Variants in BRSK2 observed in about 807,000 individuals in gnomAD.
BRSK2 encodes the protein serine/threonine-protein kinase BRSK2.
A neutral mutation model predicts 83.3 loss-of-function variants in BRSK2; 19 were observed. The ratio of observed to expected loss-of-function variants is 0.23; its 90% confidence interval spans 0.16 to 0.33. The LOEUF (loss-of-function observed/expected upper bound fraction) is 0.33, where lower values mean the gene tolerates loss of function less well. Among genes scored for constraint, BRSK2 ranks in the 10% least tolerant of loss-of-function variants. The pLI is 1.00. For missense variants in BRSK2, 798 were observed against 1,042.3 expected (o/e 0.77, Z 3.23); for synonymous variants, 519 against 435.4 (o/e 1.19, Z -2.39).
At chr11:1,404,985 C>T (rs1846742853) in intron 1 of BRSK2, among the ~76,000 whole-genome samples, 1 of 146,716 alleles carries the variant, frequency 6.8e-6, no homozygotes, top group Admixed American at 6.9e-5. Context: ...GGCGTGCAGG[C>T]CTCTGTCTCT....
intron 1 of BRSK2, among the ~76,000 whole-genome samples, chr11:1,428,780 C>T (rs542978906): frequency 1.8e-4 from 27 of 150,710 alleles, no homozygotes; most frequent in Non-Finnish European, 3.0e-4. Context: ...GTGTGCACTG[C>T]GGGTGTGTGT....
intron 2 of BRSK2, among the ~76,000 whole-genome samples, chr11:1,436,864 G>C (rs537521566): frequency 2.0e-5 from 3 of 152,272 alleles, no homozygotes; most frequent in African/African-American, 7.2e-5. Flanking sequence ...GAGGCCAGTG[G>C]GAGTGGCCAA....
At chr11:1,410,563 C>G in intron 1 of BRSK2, 1 of 985,464 alleles carries the variant, frequency 1.0e-6, no homozygotes, top group Non-Finnish European at 1.2e-6. Context: ...CTTTTGATGT[C>G]GTCAGGCTCT....
intron 1 of BRSK2, among the ~76,000 whole-genome samples, chr11:1,429,577 T>C (rs111252735): frequency 0.018 from 2,204 of 121,850 alleles, 57 homozygotes; most frequent in African/African-American, 0.065. Context: ...GCCACTGTGC[T>C]CAGCAGTGAG....
At position 1,456,351 on chromosome 11, in the gene BRSK2, C is replaced by T. The variant is rs2133261098; in HGVS notation, c.1672C>T (p.Pro558Ser). The change falls in exon 17 of 20, where the codon CCC becomes TCC. Residue 558 changes from proline (P) to serine (S), a missense_variant. Physicochemically the swap from Pro to Ser is moderately conservative, Grantham distance 74. This residue lies in a region of BRSK2 where 455 missense variants were observed against 455.2 expected (regional missense o/e 1.00). Coordinates refer to ENST00000528841, the MANE Select transcript of BRSK2 (RefSeq NM_001256627.2). ...ADIVHAFLSIPSLSHSVISQT... is the reference protein window; with the variant it reads ...ADIVHAFLSISSLSHSVISQT... Reference sequence around the variant, plus strand: ...TCACGCTGCTCTCTCTCCACAGATTCCCAGTCTCAGCCACAGCGTCATCTC... The same window carrying T: ...TCACGCTGCTCTCTCTCCACAGATTTCCAGTCTCAGCCACAGCGTCATCTC... 1.3e-6 allele frequency: 2 copies of T among 1,560,224 alleles called. No homozygotes were observed. Among genetic ancestry groups the T allele is most frequent in the South Asian group, 1.2e-5 (1 of 84,640 alleles).
At chr11:1,403,454 C>A (rs138193421) in intron 1 of BRSK2, among the ~76,000 whole-genome samples, 27 of 152,330 alleles carry the variant, frequency 1.8e-4, no homozygotes, top group Middle Eastern at 3.4e-3. Flanking sequence ...GGGGGCCCTG[C>A]GCTCCTGGTC....
chr11:1,425,939 G>C (rs1449630367), intron 1 of BRSK2, among the ~76,000 whole-genome samples: 1 of 152,192 alleles, frequency 6.6e-6, no homozygotes, highest in Non-Finnish European at 1.5e-5. Context: ...CTGGAGAGCG[G>C]ATTTGCGGCC....
At position 1,460,555 on chromosome 11, in the gene BRSK2, G is replaced by A. The variant is rs752071202; in HGVS notation, c.2043G>A (p.Lys681=). Residue 681 remains lysine, a synonymous_variant, in exon 20 of 20, where the codon AAG becomes AAA. Transcript: ENST00000528841. ...TTAAACAACTTTTTTCAGACGAGAA[G>A]AACGGGCAGGCGGCCCAGGCCCCCA... ...DVIKQLFSDE[K]NGQAAQAPST... 5 of 1,516,434 alleles carry A rather than the reference G, an allele frequency of 3.3e-6. No individual in the cohort carries two copies. Among genetic ancestry groups the A allele is most frequent in the South Asian group, 2.4e-5 (2 of 83,382 alleles). 93.9% of individuals were successfully genotyped at this position (1,516,434 alleles called of 1,614,324 possible).
chr11:1,454,707 C>T lies in BRSK2; in HGVS notation c.1668+99C>T, dbSNP rs1476511011. The T allele has an allele frequency of 1.2e-5, 17 of 1,460,008 alleles. No individual in the cohort carries two copies. Among genetic ancestry groups the T allele is most frequent in the East Asian group, 2.3e-5 (1 of 42,898 alleles). 90.4% of individuals were successfully genotyped at this position (1,460,008 alleles called of 1,614,324 possible). On this transcript the variant is annotated intron_variant, in intron 16 of 19. Transcript: ENST00000528841. This position sits in a 1 kb window ranked among gnomAD's most constrained non-coding sequence, Gnocchi z 5.2. Reference sequence around the variant, plus strand: ...TCCTCACGTAGACAGGACATGTCCACGCGCACAGCACGGACGTCCGCTCAC... The same window carrying T: ...TCCTCACGTAGACAGGACATGTCCATGCGCACAGCACGGACGTCCGCTCAC...
In BRSK2 at chr11:1,451,516, T is replaced by C. The variant is rs187440508; in HGVS notation, c.1544+97T>C. Reference sequence around the variant, plus strand: ...CCCCTATGGCCAACGGGGTGCTCCTTCTCCACGTGGCCCCACCTCCCACTG... The same window carrying C: ...CCCCTATGGCCAACGGGGTGCTCCTCCTCCACGTGGCCCCACCTCCCACTG... On this transcript the variant is annotated intron_variant, in intron 15 of 19. Transcript: ENST00000528841. 7.4e-3 allele frequency: 9,652 copies of C among 1,305,878 alleles called. 53 individuals carry two copies. Among genetic ancestry groups the C allele is most frequent in the Non-Finnish European group, 9.1e-3 (8,292 of 907,312 alleles). 80.9% of individuals were successfully genotyped at this position (1,305,878 alleles called of 1,614,324 possible).
intron 8 of BRSK2, among the ~76,000 whole-genome samples, chr11:1,444,714 G>C (rs1295904633): frequency 1.5e-5 from 2 of 132,298 alleles, no homozygotes; most frequent in Non-Finnish European, 3.2e-5. Flanking sequence ...TCCGACTCCA[G>C]CTCCCCCGAC....
intron 1 of BRSK2, among the ~76,000 whole-genome samples, chr11:1,407,039 C>A (rs1400698816): frequency 6.6e-6 from 1 of 152,136 alleles, no homozygotes; most frequent in Non-Finnish European, 1.5e-5. Flanking sequence ...GGCGGAGGCT[C>A]CTAGGGTTTC....
At chr11:1,419,546 G>T (rs10766906) in intron 1 of BRSK2, among the ~76,000 whole-genome samples, 39,682 of 152,006 alleles carry the variant, frequency 0.26, 5,325 homozygotes, top group South Asian at 0.41. Flanking sequence ...AGTCGTTTTT[G>T]TAGACCTTGT....
At chr11:1,460,438 C>A in intron 19 of BRSK2, 62 bp from the exon 20 acceptor site, 2 of 1,106,042 alleles carry the variant, frequency 1.8e-6, no homozygotes, top group Non-Finnish European at 1.2e-6. Context: ...TCCTCTTTCT[C>A]TCCCCCTTTT....
rs559579842 is a variant in BRSK2 at position 1,438,347 on chromosome 11, C to T, written c.228C>T (p.Pro76=). The change falls in exon 3 of 20, where the codon CCC becomes CCT. Residue 76 remains proline (P), a synonymous_variant. Transcript: ENST00000528841. This position sits in a 1 kb window ranked among gnomAD's most constrained non-coding sequence, Gnocchi z 6.4. ...CGATCCTGAAGCTCATTGAGCACCC[C>T]CACGTCCTAAAGCTGCACGACGTTT... ...EIAILKLIEH[P]HVLKLHDVYE... is the part of the protein sequence containing the mutation. 2.4e-4 allele frequency: 390 copies of T among 1,614,124 alleles called. 3 individuals are homozygous for T. In the South Asian group the frequency reaches 3.9e-3, roughly 16 times the overall value.
At chr11:1,427,332 C>T (rs764118897) in intron 1 of BRSK2, among the ~76,000 whole-genome samples, 18 of 152,200 alleles carry the variant, frequency 1.2e-4, no homozygotes, top group Non-Finnish European at 2.5e-4. Flanking sequence ...CACTTCTTGG[C>T]CAGCCTGGGA....
intron 1 of BRSK2, among the ~76,000 whole-genome samples, chr11:1,407,671 A>G (rs1479404991): frequency 1.3e-5 from 2 of 152,214 alleles, no homozygotes; most frequent in African/African-American, 4.8e-5. Flanking sequence ...TGAATCACCA[A>G]ATAGTTACAG....
intron 12 of BRSK2, 60 bp downstream of exon 12, chr11:1,445,967 C>T (rs926780571): frequency 5.7e-5 from 88 of 1,532,678 alleles, no homozygotes; most frequent in East Asian, 2.5e-4. Context: ...GCGGCACTGC[C>T]GCCTGGCTCA....
At position 1,437,619 on chromosome 11, in the gene BRSK2, C is replaced by T. The variant is rs538435388; in HGVS notation, c.187-687C>T. Among the ~76,000 whole-genome samples the T allele has an allele frequency of 1.1e-3, 162 of 152,312 alleles. 1 individual carries two copies. Among genetic ancestry groups the T allele is most frequent in the Middle Eastern group, 3.4e-3 (1 of 294 alleles). On this transcript the variant is annotated intron_variant, in intron 2 of 19. Transcript: ENST00000528841. ...GGATGGGGGGCACGTGCCCTGCCCA[C>T]GGCCTGCACACCTACTGTATGTCCC...
Sources: allele counts gnomAD v4.1 joint callset (sites outside exome capture counted in the v4.1 genomes callset), GRCh38; gene constraint gnomAD v4.1.1; regional missense constraint gnomAD v4.1.1; non-coding constraint Gnocchi (gnomAD v3.1); transcripts MANE v1.5; gene names NCBI Gene and HGNC (gene_info 2026-07-23, HGNC 2026-07-21).